The following AKIRIN1 variants were observed in gnomAD, a reference collection of about 807,000 sequenced individuals.
AKIRIN1 encodes akirin 1.
AKIRIN1 carries 4 observed loss-of-function variants against 25.9 expected under a neutral mutation model. The observed-to-expected ratio is 0.15, with a 90% CI of 0.08 to 0.35. AKIRIN1 has a LOEUF of 0.35. Among genes scored for constraint, AKIRIN1 ranks in the 10% least tolerant of loss-of-function variants. AKIRIN1 has a pLI of 1.00. For missense variants in AKIRIN1, 243 were observed against 266.1 expected, an observed-to-expected ratio of 0.91 and a Z score of 0.61; for synonymous variants, 125 against 105.1, an observed-to-expected ratio of 1.19 and a Z score of -1.16.
rs1308929582 is a variant in AKIRIN1 at position 39,004,326 on chromosome 1, A to G, written c.*271A>G. On this transcript the variant is annotated 3_prime_UTR_variant, in exon 5 of 5. Transcript: ENST00000432648. ...ATACCTGGAGCAGCAGTTTAGCAAA[A>G]TATGCCTTCAGTGGCATTCAACAAA... 3 of 614,922 alleles carry G rather than the reference A, an allele frequency of 4.9e-6. No individual in the cohort carries two copies. Among genetic ancestry groups the G allele is most frequent in the Middle Eastern group, 8.7e-4 (2 of 2,306 alleles). 38.1% of individuals were successfully genotyped at this position (614,922 alleles called of 1,614,324 possible).
intron 1 of AKIRIN1, among the ~76,000 whole-genome samples, chr1:38,994,524 T>C (rs942303291): frequency 2.0e-5 from 3 of 152,092 alleles, no homozygotes; most frequent in African/African-American, 7.2e-5. Flanking sequence ...TTGTTGTTTT[T>C]TGAGACAGAG....
intron 2 of AKIRIN1, 127 bp downstream of exon 2, chr1:38,998,438 TA>T (rs1035939698): frequency 8.9e-7 from 1 of 1,120,174 alleles, no homozygotes; most frequent in Non-Finnish European, 1.2e-6. Flanking sequence ...TATTTACAGA[TA>T]TTTTTAAAAC....
chr1:38,993,201 C>T (rs1288383508), intron 1 of AKIRIN1, among the ~76,000 whole-genome samples: 1 of 152,192 alleles, frequency 6.6e-6, no homozygotes, highest in African/African-American at 2.4e-5. Flanking sequence ...TTATTCAATA[C>T]TACTATCCTC....
Position 38,991,503 on chromosome 1 carries a change from G to T in AKIRIN1, c.123G>T (p.Pro41=). 1 of 1,451,248 alleles carries T rather than the reference G, an allele frequency of 6.9e-7. No homozygotes were observed. 89.9% of individuals were successfully genotyped at this position (1,451,248 alleles called of 1,614,324 possible). A position where few individuals can be genotyped will look rare whatever the true frequency, so the allele number is the denominator to read the frequency against. ...GCCCCACTCCGGGCCTCAGGCCCCC[G>T]GACGCCGAGCCGCCGCCGCCGTTTC... ...LPGPTPGLRP[P]DAEPPPPFQT... The change falls in exon 1 of 5, where the codon CCG becomes CCT. Residue 41 remains proline, a synonymous_variant. Transcript: ENST00000432648.
chr1:38,991,487 C>T lies in AKIRIN1; in HGVS notation c.107C>T (p.Pro36Leu), dbSNP rs1356824729. The T allele has an allele frequency of 2.1e-6, 3 of 1,444,110 alleles. No individual in the cohort carries two copies. Among genetic ancestry groups the T allele is most frequent in the Non-Finnish European group, 2.7e-6 (3 of 1,103,322 alleles). The allele number at this position is 1,444,110 out of a possible 1,614,324, so 89.5% of individuals were successfully genotyped here. A position where few individuals can be genotyped will look rare whatever the true frequency, so the allele number is the denominator to read the frequency against. Residue 36 changes from proline to leucine, a missense_variant, in exon 1 of 5, where the codon CCG (proline) becomes CTG (leucine). This residue lies in a region of AKIRIN1 where 190 missense variants were observed against 174.4 expected (regional missense o/e 1.09). Transcript: ENST00000432648. ...TGCGCCCCTCTGCCCGGCCCCACTCCGGGCCTCAGGCCCCCGGACGCCGAG... is the reference window on the plus strand; with the variant it reads ...TGCGCCCCTCTGCCCGGCCCCACTCTGGGCCTCAGGCCCCCGGACGCCGAG... ...RRCAPLPGPT[P>L]GLRPPDAEPP...
chr1:38,997,578 A>G (rs1426553148), intron 1 of AKIRIN1, among the ~76,000 whole-genome samples: 1 of 151,974 alleles, frequency 6.6e-6, no homozygotes, highest in Non-Finnish European at 1.5e-5. Context: ...TGTTCAGGCT[A>G]GTCTCCTGGG....
chr1:38,998,369 T>G, intron 2 of AKIRIN1, 58 bp downstream of exon 2: 1 of 1,521,304 alleles, frequency 6.6e-7, no homozygotes, highest in South Asian at 1.3e-5. Flanking sequence ...GTACTTATAA[T>G]GATGAATCTA....
intron 1 of AKIRIN1, among the ~76,000 whole-genome samples, chr1:38,995,403 A>G (rs956865212): frequency 1.3e-5 from 2 of 152,208 alleles, no homozygotes; most frequent in Non-Finnish European, 2.9e-5. Flanking sequence ...CACAACCTCA[A>G]GTAATGGAGG....
Position 39,004,188 on chromosome 1 carries a change from AT to A in AKIRIN1, c.*137del. 1 of 981,826 alleles carries A rather than the reference AT, an allele frequency of 1.0e-6. No individual in the cohort carries two copies. Among genetic ancestry groups the A allele is most frequent in the Non-Finnish European group, 1.6e-6 (1 of 609,020 alleles). The allele number at this position is 981,826 out of a possible 1,614,324, so 60.8% of individuals were successfully genotyped here. A position where few individuals can be genotyped will look rare whatever the true frequency, so the allele number is the denominator to read the frequency against. ...AACACTTAAACGTTTCTGCAGGTCC[AT>A]TTTATACAACTTGAAAGACCGTAAA... is the stretch of plus-strand genomic sequence containing the variant. On this transcript the variant is annotated 3_prime_UTR_variant, in exon 5 of 5. Transcript: ENST00000432648.
At chr1:38,991,789 G>C (rs977205282) in intron 1 of AKIRIN1, among the ~76,000 whole-genome samples, 189 bp downstream of exon 1, 3 of 152,152 alleles carry the variant, frequency 2.0e-5, no homozygotes, top group African/African-American at 7.2e-5. Flanking sequence ...AGGGGTAATG[G>C]GGCCACAGGG....
In AKIRIN1 at chr1:39,003,291, A is replaced by T. The variant is rs917261280; in HGVS notation, c.497-56A>T. The T allele has an allele frequency of 1.6e-5, 25 of 1,541,240 alleles. No individual in the cohort carries two copies. In the African/African-American group the frequency reaches 3.3e-4, roughly 20 times the overall value. On this transcript the variant is annotated intron_variant, in intron 3 of 4. Transcript: ENST00000432648. ...AAGCTATTTGTGATCCTGACGCTTGATTCTTAAAAATTGAGGGAGAGTTGC... is the reference window on the plus strand; with the variant it reads ...AAGCTATTTGTGATCCTGACGCTTGTTTCTTAAAAATTGAGGGAGAGTTGC...
intron 2 of AKIRIN1, among the ~76,000 whole-genome samples, chr1:38,998,529 A>T (rs1301058659): frequency 1.3e-5 from 2 of 152,210 alleles, no homozygotes; most frequent in Non-Finnish European, 2.9e-5. Context: ...ATCTTCCTGT[A>T]TAACTGCAAT....
Position 38,991,572 on chromosome 1 carries a change from C to T in AKIRIN1, c.192C>T (p.Pro64=), listed in dbSNP as rs924506103. The T allele has an allele frequency of 2.3e-6, 3 of 1,329,510 alleles. No homozygotes were observed. The highest frequency in any genetic ancestry group is 3.8e-5 in the Admixed American group (1 of 26,636). 82.4% of individuals were successfully genotyped at this position (1,329,510 alleles called of 1,614,324 possible). Residue 64 remains proline, a synonymous_variant, in exon 1 of 5, where the codon CCC becomes CCT. Transcript: ENST00000432648. ...AGAGTCTGCAGCAGCCCGCCCCGCC[C>T]GGCAGCGAGCGGCGCCTTCCAACTC... ...PPQSLQQPAP[P]GSERRLPTPE...
intron 1 of AKIRIN1, among the ~76,000 whole-genome samples, chr1:38,995,991 G>C (rs1032622662): frequency 6.6e-6 from 1 of 152,132 alleles, no homozygotes. Flanking sequence ...CTGAGATTGT[G>C]CTATTGCACT....
Position 39,004,219 on chromosome 1 carries a change from T to G in AKIRIN1, c.*164T>G. Reference sequence around the variant, plus strand: ...TACAACTTGAAAGACCGTAAAACTTTCTGGTTGCCACAAGCATATCTTTCT... The same window carrying G: ...TACAACTTGAAAGACCGTAAAACTTGCTGGTTGCCACAAGCATATCTTTCT... On this transcript the variant is annotated 3_prime_UTR_variant, in exon 5 of 5. Transcript: ENST00000432648. 2 of 779,494 alleles carry G rather than the reference T, an allele frequency of 2.6e-6. No homozygotes were observed. The highest frequency in any genetic ancestry group is 5.1e-5 in the East Asian group (2 of 38,842). 48.3% of individuals were successfully genotyped at this position (779,494 alleles called of 1,614,324 possible).
intron 3 of AKIRIN1, among the ~76,000 whole-genome samples, chr1:39,001,388 A>G (rs1442361541): frequency 4.8e-5 from 7 of 146,814 alleles, no homozygotes; most frequent in Non-Finnish European, 1.5e-5. Context: ...CTCAGCCTCC[A>G]GAGTAGCTGG....
Position 39,004,069 on chromosome 1 carries a change from A to G in AKIRIN1, c.*14A>G, listed in dbSNP as rs747365633. The stretch of plus-strand genomic sequence containing the variant: ...GATGTGTCATGAAGCTTTGTCACAT[A>G]TCTGGGTACCAGGTTTGACCTCAAG... On this transcript the variant is annotated 3_prime_UTR_variant, in exon 5 of 5. Coordinates refer to ENST00000432648, the MANE Select transcript of AKIRIN1 (RefSeq NM_024595.3). 1 of 1,611,316 alleles carries G rather than the reference A, an allele frequency of 6.2e-7. No homozygotes were observed.
chr1:39,001,509 G>A (rs148684052), intron 3 of AKIRIN1, among the ~76,000 whole-genome samples: 23 of 151,966 alleles, frequency 1.5e-4, no homozygotes, highest in African/African-American at 4.6e-4. Flanking sequence ...CAGGTGATCC[G>A]CCCACCTTGA....
rs201264369 is a variant in AKIRIN1 at position 38,999,860 on chromosome 1, G to GT, written c.362-1105dup. ...TGCCCATGTTTTTTTGTTTTGTTTT[G>GT]TTTTTTTGTTTTTGTTTTTTGTTTT... On this transcript the variant is annotated intron_variant, in intron 2 of 4. Transcript: ENST00000432648. 4.8e-3 allele frequency among the ~76,000 whole-genome samples: 644 copies of GT among 132,856 alleles called. 7 individuals carry two copies. The highest frequency in any genetic ancestry group is 0.016 in the African/African-American group (607 of 37,812). 87.2% of individuals were successfully genotyped at this position (132,856 alleles called of 152,430 possible).
Sources: allele counts gnomAD v4.1 joint callset (sites outside exome capture counted in the v4.1 genomes callset), GRCh38; gene constraint gnomAD v4.1.1; regional missense constraint gnomAD v4.1.1; transcripts MANE v1.5; gene names NCBI Gene and HGNC (gene_info 2026-07-23, HGNC 2026-07-21).